Variants in COMMD10 observed in about 807,000 individuals in gnomAD.
COMMD10 encodes the protein COMM domain-containing protein 10.
COMMD10 carries 33 observed loss-of-function variants against 28.9 expected under a neutral mutation model. The observed-to-expected ratio is 1.14, with a 90% CI of 0.87 to 1.53. COMMD10 has a LOEUF of 1.53. COMMD10 is among the 40% of genes most tolerant of loss of function. COMMD10 has a pLI of 0.00. For synonymous variants in COMMD10, 110 were observed against 81.7 expected, an observed-to-expected ratio of 1.35 and a Z score of -1.87; for missense variants, 310 against 233.4, an observed-to-expected ratio of 1.33 and a Z score of -2.14.
chr5:116,224,286 C>A (rs558231900), intron 5 of COMMD10, among the ~76,000 whole-genome samples: 1 of 152,164 alleles, frequency 6.6e-6, no homozygotes, highest in Non-Finnish European at 1.5e-5. Context: ...TTAGGAAACT[C>A]TATGTAGATA....
At chr5:116,085,371 G>C in intron 1 of COMMD10, 1 of 434,790 alleles carries the variant, frequency 2.3e-6, no homozygotes, top group South Asian at 4.3e-5. Flanking sequence ...TGGGGTCTGC[G>C]TCACTGTTCG....
At chr5:116,260,142 A>G (rs1750401060) in intron 5 of COMMD10, among the ~76,000 whole-genome samples, 1 of 151,776 alleles carries the variant, frequency 6.6e-6, no homozygotes, top group Non-Finnish European at 1.5e-5. Context: ...TCTTTTTTAA[A>G]GTAAAATGGA....
chr5:116,144,457 T>C (rs1387405268), intron 5 of COMMD10, among the ~76,000 whole-genome samples: 1 of 151,728 alleles, frequency 6.6e-6, no homozygotes, highest in South Asian at 2.1e-4. Context: ...TTTCTCTAAA[T>C]TGGATACTAG....
chr5:116,264,253 G>C (rs533542109), intron 5 of COMMD10, among the ~76,000 whole-genome samples: 14 of 151,812 alleles, frequency 9.2e-5, no homozygotes, highest in African/African-American at 3.2e-4. Flanking sequence ...AAGAAAGAGG[G>C]TTTTCTTCTG....
chr5:116,267,639 A>C (rs1257182560), intron 5 of COMMD10, among the ~76,000 whole-genome samples: 1 of 151,988 alleles, frequency 6.6e-6, no homozygotes, highest in Non-Finnish European at 1.5e-5. Flanking sequence ...CTGCATTGCC[A>C]AGACAATCAT....
At chr5:116,180,863 T>G (rs944145707) in intron 5 of COMMD10, among the ~76,000 whole-genome samples, 1 of 152,144 alleles carries the variant, frequency 6.6e-6, no homozygotes, top group Non-Finnish European at 1.5e-5. Flanking sequence ...GATGAAATGC[T>G]TATTTAAAAA....
At chr5:116,292,423 C>CT (rs11337562) in intron 6 of COMMD10, 28 bp from the exon 7 acceptor site, 28,005 of 1,232,370 alleles carry the variant, frequency 0.023, no homozygotes, top group Non-Finnish European at 0.026. Context: ...TCACTAACGT[C>CT]TTTTTTTTTT....
intron 5 of COMMD10, among the ~76,000 whole-genome samples, chr5:116,240,808 T>G (rs1258689003): frequency 6.6e-6 from 1 of 152,190 alleles, no homozygotes; most frequent in Admixed American, 6.5e-5. Context: ...AGTGGTGATT[T>G]CGAACTTGTA....
chr5:116,251,074 C>A (rs575960296), intron 5 of COMMD10, among the ~76,000 whole-genome samples: 2 of 152,016 alleles, frequency 1.3e-5, no homozygotes, highest in Admixed American at 6.6e-5. Flanking sequence ...CACAGAGCTC[C>A]TAGTTAATGC....
rs543289230 is a variant in COMMD10, at chr5:116,157,423, G to T, written c.510+23245G>T. ...TGACTTGCTCATGTTTCAGCAGTTT[G>T]CCGGGTCTAGTTTGGGATGATTTTA... On this transcript the variant is annotated intron_variant, in intron 5 of 6. Coordinates refer to ENST00000274458, the MANE Select transcript of COMMD10 (RefSeq NM_016144.4). Among the ~76,000 whole-genome samples the T allele has an allele frequency of 3.9e-5, 6 of 152,270 alleles. No individual in the cohort carries two copies. In the South Asian group the frequency reaches 1.2e-3, roughly 32 times the overall value.
At position 116,136,695 on chromosome 5, in the gene COMMD10, C is replaced by G. The variant is rs1377088459; in HGVS notation, c.510+2517C>G. ...GTGAATATCTAGATGTGAAATCTAA[C>G]TCATTTGAAATATGAGCTTGAGTAC... On this transcript the variant is annotated intron_variant, in intron 5 of 6. Coordinates refer to ENST00000274458, the MANE Select transcript of COMMD10 (RefSeq NM_016144.4). Among the ~76,000 whole-genome samples the G allele has an allele frequency of 2.0e-5, 3 of 152,170 alleles. No individual in the cohort carries two copies. In the East Asian group the frequency reaches 5.8e-4, roughly 29 times the overall value.
chr5:116,179,248 A>C (rs1037907379), intron 5 of COMMD10, among the ~76,000 whole-genome samples: 1 of 152,162 alleles, frequency 6.6e-6, no homozygotes, highest in Non-Finnish European at 1.5e-5. Context: ...TATTAAGACT[A>C]TAAGTGTTGT....
chr5:116,239,826 G>T (rs759487211), intron 5 of COMMD10, among the ~76,000 whole-genome samples: 39 of 152,288 alleles, frequency 2.6e-4, no homozygotes, highest in South Asian at 4.1e-4. Flanking sequence ...CACATTACAT[G>T]AGGACTGCTC....
At chr5:116,268,487 T>A (rs937277731) in intron 5 of COMMD10, among the ~76,000 whole-genome samples, 4 of 152,014 alleles carry the variant, frequency 2.6e-5, no homozygotes, top group African/African-American at 7.3e-5. Context: ...ATAGGAACAC[T>A]TTTACACTAT....
chr5:116,120,167 C>T (rs1264310058), intron 4 of COMMD10, among the ~76,000 whole-genome samples: 2 of 152,100 alleles, frequency 1.3e-5, no homozygotes, highest in African/African-American at 2.4e-5. Context: ...GAGTACTACT[C>T]AGCCATAAAA....
At chr5:116,121,294 C>A (rs572065043) in intron 4 of COMMD10, among the ~76,000 whole-genome samples, 1 of 152,258 alleles carries the variant, frequency 6.6e-6, no homozygotes, top group African/African-American at 2.4e-5. Context: ...ATTCATGTTC[C>A]TGCAAAGGAC....
At chr5:116,232,980 A>G (rs1299801634) in intron 5 of COMMD10, among the ~76,000 whole-genome samples, 1 of 152,198 alleles carries the variant, frequency 6.6e-6, no homozygotes, top group Non-Finnish European at 1.5e-5. Context: ...GGATTCGTCA[A>G]TTCCGGCTAA....
chr5:116,147,330 T>C (rs1752384150), intron 5 of COMMD10, among the ~76,000 whole-genome samples: 1 of 151,882 alleles, frequency 6.6e-6, no homozygotes, highest in Non-Finnish European at 1.5e-5. Context: ...TATTATTCTT[T>C]ATCTCACGAA....
intron 4 of COMMD10, among the ~76,000 whole-genome samples, chr5:116,111,171 T>C (rs951785581): frequency 1.1e-4 from 17 of 152,254 alleles, no homozygotes; most frequent in African/African-American, 3.9e-4. Flanking sequence ...TTCCTCTGGT[T>C]AGTCTTGCTA....
Sources: allele counts gnomAD v4.1 joint callset (sites outside exome capture counted in the v4.1 genomes callset), GRCh38; gene constraint gnomAD v4.1.1; transcripts MANE v1.5; gene names NCBI Gene and HGNC (gene_info 2026-07-23, HGNC 2026-07-21).